The following C1GALT1 variants were observed in gnomAD, a reference collection of about 807,000 sequenced individuals.
C1GALT1 encodes the protein glycoprotein-N-acetylgalactosamine 3-beta-galactosyltransferase 1.
Under a neutral mutation model 31.0 loss-of-function variants are expected in C1GALT1, and 11 were observed. The ratio of observed to expected loss-of-function variants is 0.36; its 90% confidence interval spans 0.22 to 0.59. The LOEUF (loss-of-function observed/expected upper bound fraction) is 0.59. Among genes scored for constraint, C1GALT1 ranks in the 20% least tolerant of loss-of-function variants. The pLI is 0.79. For missense variants in C1GALT1, 424 were observed against 425.2 expected, an observed-to-expected ratio of 1.00 and a Z score of 0.03; for synonymous variants, 175 against 143.6, an observed-to-expected ratio of 1.22 and a Z score of -1.56.
Position 7,168,021 on chromosome 7 carries a change from T to C in C1GALT1, c.-18+10595T>C, listed in dbSNP as rs563057763. On this transcript the variant is annotated intron_variant, in intron 2 of 3. Coordinates refer to the C1GALT1 transcript ENST00000429911. ...TTCTGATGCCATCTATAAAGAAGCA[T>C]GTTCTCCACATTTCACAGGGGAATG... Among the ~76,000 whole-genome samples the C allele has an allele frequency of 4.6e-5, 7 of 152,342 alleles. No homozygotes were observed. In the South Asian group the frequency reaches 1.5e-3, roughly 32 times the overall value.
At chr7:7,224,934 A>G (rs995003652) in intron 1 of C1GALT1, among the ~76,000 whole-genome samples, 1 of 152,128 alleles carries the variant, frequency 6.6e-6, no homozygotes, top group Admixed American at 6.5e-5. Flanking sequence ...TATTTAACCA[A>G]TAGATAGTTT....
chr7:7,196,284 A>G (rs941476615), intron 1 of C1GALT1, among the ~76,000 whole-genome samples: 5 of 146,078 alleles, frequency 3.4e-5, no homozygotes, highest in African/African-American at 1.3e-4. Flanking sequence ...TCATTGTTTA[A>G]TTCCCACCTA....
intron 1 of C1GALT1, 153 bp from the exon 2 acceptor site, chr7:7,234,150 T>C (rs1583828746): frequency 1.6e-6 from 1 of 627,554 alleles, no homozygotes; most frequent in Non-Finnish European, 2.8e-6. Flanking sequence ...TAATGTGCTG[T>C]TTTAGCAGCA....
At chr7:7,180,457 T>C (rs1780557578), upstream of C1GALT1, among the ~76,000 whole-genome samples, 1 of 152,238 alleles carries the variant, frequency 6.6e-6, no homozygotes, top group Non-Finnish European at 1.5e-5. Flanking sequence ...GGATAAATGA[T>C]GGTATATCCA....
At chr7:7,188,329 A>G (rs1450831742) in intron 1 of C1GALT1, among the ~76,000 whole-genome samples, 1 of 152,206 alleles carries the variant, frequency 6.6e-6, no homozygotes, top group South Asian at 2.1e-4. Context: ...GTAATGAGTC[A>G]CTTTGGAGGT....
At chr7:7,214,509 A>G (rs1324998077) in intron 1 of C1GALT1, among the ~76,000 whole-genome samples, 2 of 152,224 alleles carry the variant, frequency 1.3e-5, no homozygotes, top group Admixed American at 6.5e-5. Context: ...CTTTAAGGAA[A>G]TCCTTTTAAA....
In C1GALT1 at chr7:7,234,383, T is replaced by C; in HGVS notation, c.64T>C (p.Leu22=). 1.2e-6 allele frequency: 2 copies of C among 1,614,036 alleles called. No individual in the cohort carries two copies. The change falls in exon 2 of 4, where the codon TTA becomes CTA. Residue 22 remains leucine (L), a synonymous_variant. Coordinates refer to ENST00000436587, the MANE Select transcript of C1GALT1 (RefSeq NM_020156.5). ...FLCGSAIGFL[L]CSQLFSILLG... ...CTGTGGATCAGCAATAGGATTTCTT[T>C]TATGTTCTCAGCTATTTAGTATTTT... is the stretch of plus-strand genomic sequence containing the variant.
Position 7,238,379 on chromosome 7 carries a change from T to C in C1GALT1, c.345T>C (p.Cys115=). 1 of 1,614,150 alleles carries C rather than the reference T, an allele frequency of 6.2e-7. No homozygotes were observed. The highest frequency in any genetic ancestry group is 8.5e-7 in the Non-Finnish European group (1 of 1,180,016). The part of the protein sequence containing the change: ...KHVKATWAQR[C]NKVLFMSSEE... ...TCAAAGCTACTTGGGCCCAGCGTTG[T>C]AACAAAGTGTTGTTTATGAGTTCAG... The change falls in exon 3 of 4, where the codon TGT becomes TGC. Residue 115 remains cysteine (C), a synonymous_variant. Coordinates refer to ENST00000436587, the MANE Select transcript of C1GALT1 (RefSeq NM_020156.5). This position sits in a 1 kb window ranked among gnomAD's most constrained non-coding sequence, Gnocchi z 5.2.
chr7:7,222,114 A>G (rs1782536466), intron 1 of C1GALT1, among the ~76,000 whole-genome samples: 1 of 152,174 alleles, frequency 6.6e-6, no homozygotes, highest in African/African-American at 2.4e-5. Flanking sequence ...TCACTTTGAC[A>G]CAAGCACCTC....
At chr7:7,190,132 G>A (rs1274631396) in intron 1 of C1GALT1, among the ~76,000 whole-genome samples, 1 of 152,160 alleles carries the variant, frequency 6.6e-6, no homozygotes, top group African/African-American at 2.4e-5. Flanking sequence ...CAGAGGAAAT[G>A]TCAGCATTTC....
At chr7:7,197,532 T>C (rs564716599) in intron 1 of C1GALT1, among the ~76,000 whole-genome samples, 10 of 152,340 alleles carry the variant, frequency 6.6e-5, no homozygotes, top group African/African-American at 2.4e-4. Flanking sequence ...CGGGCTCTTT[T>C]TTGGTTCCAT....
chr7:7,219,367 G>T (rs1782402239), intron 1 of C1GALT1, among the ~76,000 whole-genome samples: 1 of 151,914 alleles, frequency 6.6e-6, no homozygotes, highest in South Asian at 2.1e-4. Context: ...ATGTGTCAGT[G>T]TAGGTTTATC....
At chr7:7,198,608 G>T (rs948060335) in intron 1 of C1GALT1, among the ~76,000 whole-genome samples, 2 of 152,186 alleles carry the variant, frequency 1.3e-5, no homozygotes, top group Non-Finnish European at 2.9e-5. Context: ...CAGAAGGAAT[G>T]GTACCAGCTC....
chr7:7,240,924 G>T (rs886629096), intron 3 of C1GALT1, among the ~76,000 whole-genome samples: 1 of 151,450 alleles, frequency 6.6e-6, no homozygotes, highest in Admixed American at 6.6e-5. Flanking sequence ...TTTTTATCTA[G>T]CAAGTCAGGG....
chr7:7,217,371 T>G (rs1782294651), intron 1 of C1GALT1, among the ~76,000 whole-genome samples: 1 of 149,758 alleles, frequency 6.7e-6, no homozygotes, highest in Non-Finnish European at 1.5e-5. Flanking sequence ...GCCCCCACCT[T>G]TTTTTTTTAA....
intron 2 of C1GALT1, among the ~76,000 whole-genome samples, chr7:7,177,036 C>T (rs563602067): frequency 6.6e-5 from 10 of 152,300 alleles, no homozygotes; most frequent in African/African-American, 2.4e-4. Context: ...TTTTCTTACT[C>T]AGGGATCATC....
At chr7:7,159,074 T>G (rs1409036201) in intron 2 of C1GALT1, among the ~76,000 whole-genome samples, 1 of 152,104 alleles carries the variant, frequency 6.6e-6, no homozygotes, top group Non-Finnish European at 1.5e-5. Context: ...AGTGAAGCAA[T>G]TCATTGCTAT....
At chr7:7,198,078 T>C (rs978735534) in intron 1 of C1GALT1, among the ~76,000 whole-genome samples, 28 of 152,318 alleles carry the variant, frequency 1.8e-4, no homozygotes, top group African/African-American at 6.5e-4. Flanking sequence ...CTATGTTGAA[T>C]AGGAGGGTGA....
At chr7:7,201,476 G>A (rs75439000) in intron 1 of C1GALT1, among the ~76,000 whole-genome samples, 28,573 of 152,102 alleles carry the variant, frequency 0.19, 3,119 homozygotes, top group East Asian at 0.31. Context: ...GAGGCAGTCT[G>A]TCTGTTCTCA....
Sources: allele counts gnomAD v4.1 joint callset (sites outside exome capture counted in the v4.1 genomes callset), GRCh38; gene constraint gnomAD v4.1.1; non-coding constraint Gnocchi (gnomAD v3.1); transcripts MANE v1.5; gene names NCBI Gene and HGNC (gene_info 2026-07-23, HGNC 2026-07-21).